The following IL15 variants were observed in gnomAD, a reference collection of about 807,000 sequenced individuals.
The protein encoded by IL15 is interleukin-15.
In IL15, 11 loss-of-function variants were observed where a neutral mutation model predicts 19.6. The ratio of observed to expected loss-of-function variants is 0.56; its 90% CI spans 0.35 to 0.93. The LOEUF (loss-of-function observed/expected upper bound fraction) is 0.93, where lower values mean the gene tolerates loss of function less well. IL15 is among the 40% of genes least tolerant of loss of function. The pLI, the probability that IL15 is intolerant of heterozygous loss-of-function variation, is 0.01. For synonymous variants in IL15, 58 were observed against 59.6 expected, an observed-to-expected ratio of 0.97 and a Z score of 0.12; for missense variants, 197 against 186.5, an observed-to-expected ratio of 1.06 and a Z score of -0.33.
intron 1 of IL15, among the ~76,000 whole-genome samples, chr4:141,647,539 A>G (rs1327376838): frequency 6.6e-6 from 1 of 152,054 alleles, no homozygotes; most frequent in African/African-American, 2.4e-5. Flanking sequence ...TAAGACAACT[A>G]GAGGGACTGT....
At chr4:141,670,211 G>A (rs925404575) in intron 2 of IL15, among the ~76,000 whole-genome samples, 1 of 151,898 alleles carries the variant, frequency 6.6e-6, no homozygotes, top group Non-Finnish European at 1.5e-5. Flanking sequence ...AATAATGTTT[G>A]GCTTACTGGA....
At chr4:141,682,059 T>C (rs1053569447) in intron 2 of IL15, among the ~76,000 whole-genome samples, 1 of 152,234 alleles carries the variant, frequency 6.6e-6, no homozygotes, top group Non-Finnish European at 1.5e-5. Context: ...TAGATGCAAC[T>C]TTTGAGCTAG....
intron 2 of IL15, among the ~76,000 whole-genome samples, chr4:141,713,731 A>G (rs566464246): frequency 1.4e-4 from 21 of 152,236 alleles, no homozygotes; most frequent in Non-Finnish European, 3.1e-4. Context: ...AATATATCCA[A>G]CCTTCAAGGT....
At chr4:141,730,734 A>C (rs532303795) in intron 7 of IL15, among the ~76,000 whole-genome samples, 6 of 152,310 alleles carry the variant, frequency 3.9e-5, no homozygotes, top group Non-Finnish European at 7.4e-5. Flanking sequence ...CCTGAAGTGC[A>C]AAGAATTAGG....
chr4:141,726,667 A>C (rs764653493), intron 5 of IL15, among the ~76,000 whole-genome samples: 12 of 152,154 alleles, frequency 7.9e-5, no homozygotes, highest in Non-Finnish European at 1.6e-4. Flanking sequence ...AGATTTTTTC[A>C]TGACTGCCAA....
chr4:141,698,937 T>C (rs185529599), intron 2 of IL15, among the ~76,000 whole-genome samples: 323 of 152,282 alleles, frequency 2.1e-3, no homozygotes, highest in African/African-American at 7.4e-3. Flanking sequence ...TTATTTGTGC[T>C]TTTTCACTTT....
chr4:141,722,016 C>T lies in IL15; in HGVS notation c.195+8C>T. 6.4e-7 allele frequency: 1 copy of T among 1,568,272 alleles called. No homozygotes were observed. On this transcript the variant is annotated splice_region_variant and intron_variant, in intron 5 of 7. Transcript: ENST00000320650. ...ATTGAAGATCTTATTCAAGTGAGTA[C>T]TCATTTTTCCATAAAATGCCTGGTA...
intron 2 of IL15, among the ~76,000 whole-genome samples, chr4:141,701,290 T>C (rs1729297739): frequency 6.6e-6 from 1 of 151,996 alleles, no homozygotes; most frequent in South Asian, 2.1e-4. Flanking sequence ...CTGAGGTTTT[T>C]TTTTTTTATT....
chr4:141,644,650 C>T (rs1727159602), intron 1 of IL15, among the ~76,000 whole-genome samples: 1 of 152,072 alleles, frequency 6.6e-6, no homozygotes, highest in African/African-American at 2.4e-5. Context: ...AACTGGATCT[C>T]CAGATGAGGA....
intron 2 of IL15, among the ~76,000 whole-genome samples, chr4:141,673,174 A>G (rs1728231136): frequency 6.6e-6 from 1 of 152,222 alleles, no homozygotes; most frequent in African/African-American, 2.4e-5. Flanking sequence ...GAATGTAATA[A>G]AATTTCCCAC....
At chr4:141,723,189 A>G (rs1730146502) in intron 5 of IL15, among the ~76,000 whole-genome samples, 1 of 152,208 alleles carries the variant, frequency 6.6e-6, no homozygotes, top group Non-Finnish European at 1.5e-5. Context: ...AAGATATAGC[A>G]TACTATAATG....
intron 2 of IL15, among the ~76,000 whole-genome samples, chr4:141,687,367 G>C (rs1728743699): frequency 6.6e-6 from 1 of 152,208 alleles, no homozygotes. Context: ...ACTGGGGTTA[G>C]GTTGTCATTG....
rs1211553521 is a variant in IL15 at position 141,728,122 on chromosome 4, T to C, written c.240+138T>C. 17 of 541,276 alleles carry C rather than the reference T, an allele frequency of 3.1e-5. No homozygotes were observed. In the East Asian group the frequency reaches 5.6e-4, roughly 18 times the overall value. 33.5% of individuals were successfully genotyped at this position (541,276 alleles called of 1,614,324 possible). ...TCTATAATATATGGTCAATGAGTTTTATTAGTGATTATTGAGATGGGACTT... is the reference window on the plus strand; with the variant it reads ...TCTATAATATATGGTCAATGAGTTTCATTAGTGATTATTGAGATGGGACTT... On this transcript the variant is annotated intron_variant, in intron 6 of 7. Transcript: ENST00000320650.
chr4:141,707,607 G>T (rs538649011), intron 2 of IL15, among the ~76,000 whole-genome samples: 5 of 152,314 alleles, frequency 3.3e-5, no homozygotes, highest in African/African-American at 1.2e-4. Context: ...GAATGGCTTT[G>T]ATTCTGGGTG....
chr4:141,653,999 C>T (rs1001277163), intron 1 of IL15, among the ~76,000 whole-genome samples: 7 of 152,186 alleles, frequency 4.6e-5, no homozygotes, highest in Non-Finnish European at 7.3e-5. Context: ...CCAAGTGTTT[C>T]CTGACCTCAC....
At chr4:141,699,715 C>A (rs1242165533) in intron 2 of IL15, among the ~76,000 whole-genome samples, 1 of 151,992 alleles carries the variant, frequency 6.6e-6, no homozygotes, top group Non-Finnish European at 1.5e-5. Context: ...TTATTTGAGT[C>A]CTTATGTGTT....
chr4:141,683,102 C>T (rs775922562), intron 2 of IL15, among the ~76,000 whole-genome samples: 4 of 151,778 alleles, frequency 2.6e-5, no homozygotes, highest in Admixed American at 1.3e-4. Context: ...AACCCCGTTT[C>T]TACTAAAAAT....
chr4:141,704,160 T>TC (rs925786882), intron 2 of IL15, among the ~76,000 whole-genome samples: 3 of 152,136 alleles, frequency 2.0e-5, no homozygotes, highest in Non-Finnish European at 4.4e-5. Context: ...TTTCAGCAAT[T>TC]CCCCCTTCAG....
rs547197957 is a variant in IL15 at position 141,698,116 on chromosome 4, T to C, written c.-99-21250T>C. ...TGATCATATGGTTTTTGTTTTCAAC[T>C]ATGTTTATGTGATGTATCATATTTA... On this transcript the variant is annotated intron_variant, in intron 2 of 7. Coordinates refer to ENST00000320650, the MANE Select transcript of IL15 (RefSeq NM_000585.5). Among the ~76,000 whole-genome samples the C allele has an allele frequency of 1.2e-4, 19 of 152,324 alleles. No homozygotes were observed. In the South Asian group the frequency reaches 3.5e-3, roughly 28 times the overall value.
Sources: gnomAD v4.1 joint callset for allele counts (sites outside exome capture counted in the v4.1 genomes callset) on GRCh38, gnomAD v4.1.1 for gene constraint, MANE v1.5 for transcripts, NCBI Gene and HGNC (gene_info 2026-07-23, HGNC 2026-07-21) for gene names.